Variants in DNM3 observed in about 807,000 individuals in gnomAD.
DNM3 encodes the protein dynamin-3.
In DNM3, 47 loss-of-function variants were observed where a neutral mutation model predicts 101.6. That is an observed-to-expected ratio of 0.46 (90% confidence interval 0.37 to 0.59). DNM3 has a LOEUF of 0.59. Among genes scored for constraint, DNM3 ranks in the 20% least tolerant of loss-of-function variants. The probability of loss-of-function intolerance (pLI) is 0.00; values close to 1 mark genes in which losing one functional copy is unlikely to be tolerated. For missense variants in DNM3, 849 were observed against 1,085.7 expected, an observed-to-expected ratio of 0.78 and a Z score of 3.06; for synonymous variants, 385 against 387.9, an observed-to-expected ratio of 0.99 and a Z score of 0.09.
intron 17 of DNM3, among the ~76,000 whole-genome samples, chr1:172,324,661 A>C (rs997336604): frequency 1.3e-4 from 20 of 152,136 alleles, no homozygotes; most frequent in East Asian, 1.9e-4. Flanking sequence ...TAATTCCACC[A>C]CTCTTTGAAA....
intron 14 of DNM3, among the ~76,000 whole-genome samples, chr1:172,224,658 T>C (rs181736517): frequency 3.9e-5 from 6 of 152,328 alleles, no homozygotes; most frequent in African/African-American, 1.2e-4. Context: ...TTTTGAGGCA[T>C]AGATTAATTT....
intron 14 of DNM3, among the ~76,000 whole-genome samples, chr1:172,153,981 A>T (rs571145241): frequency 6.6e-6 from 1 of 152,084 alleles, no homozygotes; most frequent in African/African-American, 2.4e-5. Context: ...TCCAAATAAC[A>T]TATATAGACC....
At position 171,981,876 on chromosome 1, in the gene DNM3, C is replaced by T. The variant is rs1439516310; in HGVS notation, c.236-5780C>T. On this transcript the variant is annotated intron_variant, in intron 2 of 20. Transcript: ENST00000627582. ...TATACTGCGACAAAATAAAATTTCACGGATGCGTTATCACGGTTTCAATGC... is the reference window on the plus strand; with the variant it reads ...TATACTGCGACAAAATAAAATTTCATGGATGCGTTATCACGGTTTCAATGC... 2.6e-5 allele frequency among the ~76,000 whole-genome samples: 4 copies of T among 152,202 alleles called. No individual in the cohort carries two copies. The East Asian group carries it at 5.8e-4, about 22-fold the overall frequency.
rs191541995 is a variant in DNM3 at position 172,214,059 on chromosome 1, A to G, written c.1660-39514A>G. ...TAACTGCCAAAGGAATCACTTAAAA[A>G]TAAAAGCTATTATATGCTTCTTACA... On this transcript the variant is annotated intron_variant, in intron 14 of 20. Coordinates refer to ENST00000627582, the MANE Select transcript of DNM3 (RefSeq NM_015569.5). Among the ~76,000 whole-genome samples the G allele has an allele frequency of 2.8e-3, 425 of 152,272 alleles. 2 individuals carry two copies. Among genetic ancestry groups the G allele is most frequent in the Middle Eastern group, 0.017 (5 of 294 alleles).
chr1:172,170,548 G>A (rs2058918556), intron 14 of DNM3, among the ~76,000 whole-genome samples: 2 of 151,818 alleles, frequency 1.3e-5, no homozygotes, highest in Admixed American at 1.3e-4. Context: ...TCCTAGTATG[G>A]GGAAATGAAA....
chr1:172,132,544 A>G (rs2148087731), intron 14 of DNM3, among the ~76,000 whole-genome samples: 1 of 152,286 alleles, frequency 6.6e-6, no homozygotes, highest in South Asian at 2.1e-4. Context: ...GCTCAGAGAC[A>G]CTTCCCTAGA....
intron 17 of DNM3, among the ~76,000 whole-genome samples, chr1:172,345,953 T>C (rs916957820): frequency 3.3e-5 from 5 of 151,952 alleles, no homozygotes; most frequent in Admixed American, 6.6e-5. Flanking sequence ...ACCCAGTCTC[T>C]ACTAAAAATA....
chr1:172,129,692 G>C (rs903484923), intron 13 of DNM3, among the ~76,000 whole-genome samples: 2 of 152,028 alleles, frequency 1.3e-5, no homozygotes, highest in African/African-American at 4.8e-5. Flanking sequence ...GAACAGTGCA[G>C]GAAAGATCTT....
chr1:172,263,467 A>C lies in DNM3; in HGVS notation c.1769+9785A>C, dbSNP rs116583149. ...TGGTACTGTGTATTATTCTGTTCTC[A>C]TGCTGCTAATAAAGACATATCTGAG... On this transcript the variant is annotated intron_variant, in intron 15 of 20. Coordinates refer to ENST00000627582, the MANE Select transcript of DNM3 (RefSeq NM_015569.5). Among the ~76,000 whole-genome samples the C allele has an allele frequency of 9.7e-3, 1,473 of 152,272 alleles. 12 individuals are homozygous for C. Among genetic ancestry groups the C allele is most frequent in the African/African-American group, 0.034 (1,396 of 41,552 alleles).
chr1:172,065,814 G>A (rs1572350006), intron 10 of DNM3, among the ~76,000 whole-genome samples: 1 of 152,262 alleles, frequency 6.6e-6, no homozygotes, highest in Middle Eastern at 3.4e-3. Flanking sequence ...TTTGGAAAAT[G>A]TAGATAAATA....
chr1:172,258,989 A>C (rs2062534534), intron 15 of DNM3, among the ~76,000 whole-genome samples: 1 of 151,234 alleles, frequency 6.6e-6, no homozygotes, highest in Admixed American at 6.6e-5. Flanking sequence ...TTTTCTCCTT[A>C]ATTTTTCTCT....
chr1:171,959,727 T>C (rs2043090129), intron 2 of DNM3, among the ~76,000 whole-genome samples: 1 of 152,028 alleles, frequency 6.6e-6, no homozygotes, highest in Non-Finnish European at 1.5e-5. Context: ...GTGAGTGGCA[T>C]CAGGGAGGAA....
At chr1:172,317,610 C>T (rs1210726707) in intron 16 of DNM3, among the ~76,000 whole-genome samples, 2 of 152,198 alleles carry the variant, frequency 1.3e-5, no homozygotes, top group Admixed American at 6.5e-5. Context: ...ACTACCAACA[C>T]CTCTATGCAA....
intron 20 of DNM3, among the ~76,000 whole-genome samples, chr1:172,398,013 T>C (rs1448241455): frequency 6.6e-6 from 1 of 152,208 alleles, no homozygotes; most frequent in African/African-American, 2.4e-5. Flanking sequence ...TTCACAGTTT[T>C]CAGTTAGAAT....
chr1:172,195,201 TG>T (rs1464790230), intron 14 of DNM3, among the ~76,000 whole-genome samples: 1 of 151,974 alleles, frequency 6.6e-6, no homozygotes, highest in East Asian at 1.9e-4. Context: ...TCAATGATGT[TG>T]TATTTTTAAT....
intron 1 of DNM3, among the ~76,000 whole-genome samples, chr1:171,901,112 C>CA (rs1243053508): frequency 0.098 from 6,506 of 66,254 alleles, 745 homozygotes; most frequent in South Asian, 0.23. Flanking sequence ...GACTCTGTCT[C>CA]AAAAAAAAAA....
intron 17 of DNM3, among the ~76,000 whole-genome samples, chr1:172,350,229 T>C (rs975664238): frequency 1.3e-5 from 2 of 152,152 alleles, no homozygotes; most frequent in Non-Finnish European, 2.9e-5. Context: ...GGCAGTTGAC[T>C]TGGAGTTTCA....
intron 1 of DNM3, among the ~76,000 whole-genome samples, chr1:171,883,394 CACACACACACACACACACACCCT>C (rs1558209642): frequency 3.0e-4 from 36 of 118,924 alleles, no homozygotes; most frequent in South Asian, 7.8e-4. Context: ...CACACACACA[CACACACACACACACACACACCCT>C]GTCAGAATGA....
chr1:172,108,267 T>A (rs910091876), intron 13 of DNM3, among the ~76,000 whole-genome samples: 1 of 151,982 alleles, frequency 6.6e-6, no homozygotes, highest in East Asian at 1.9e-4. Context: ...TTGCCATAAA[T>A]CCCCCACCCC....
Sources: allele counts gnomAD v4.1 joint callset (sites outside exome capture counted in the v4.1 genomes callset), GRCh38; gene constraint gnomAD v4.1.1; transcripts MANE v1.5; gene names NCBI Gene and HGNC (gene_info 2026-07-23, HGNC 2026-07-21).